The following PCDHA7 variants were observed in gnomAD, a reference collection of about 807,000 sequenced individuals.
The protein encoded by PCDHA7 is protocadherin alpha-7.
PCDHA7 carries 37 observed loss-of-function variants against 57.2 expected under a neutral mutation model. The observed-to-expected ratio is 0.65, with a 90% CI of 0.50 to 0.85. PCDHA7 has a LOEUF of 0.85. PCDHA7 is among the 40% of genes least tolerant of loss of function. The pLI is 0.00. For synonymous variants in PCDHA7, 553 were observed against 558.8 expected (o/e 0.99, Z 0.15); for missense variants, 1,188 against 1,241.8 (o/e 0.96, Z 0.65).
At chr5:140,842,725 C>T in intron 1 of PCDHA7, 3 of 1,595,120 alleles carry the variant, frequency 1.9e-6, no homozygotes, top group Non-Finnish European at 2.6e-6. Flanking sequence ...AGGAGAACAA[C>T]CCGCCGGGCT....
chr5:140,900,271 G>A (rs1055315411), intron 1 of PCDHA7, among the ~76,000 whole-genome samples: 2 of 151,762 alleles, frequency 1.3e-5, no homozygotes, highest in Non-Finnish European at 2.9e-5. Flanking sequence ...TTGTGTATAT[G>A]TACCACACTT....
chr5:140,929,465 A>G (rs2086179280), intron 1 of PCDHA7: 1 of 1,322,058 alleles, frequency 7.6e-7, no homozygotes, highest in African/African-American at 1.5e-5. Flanking sequence ...CTGTGCCAAG[A>G]AATCTGGAAG....
At chr5:140,980,615 C>T (rs1182621837) in intron 2 of PCDHA7, among the ~76,000 whole-genome samples, 4 of 151,596 alleles carry the variant, frequency 2.6e-5, no homozygotes, top group Admixed American at 6.6e-5. Flanking sequence ...GGCGACAGTG[C>T]GAGACTCTGT....
chr5:140,882,066 T>G (rs1198525083), intron 1 of PCDHA7: 1 of 845,446 alleles, frequency 1.2e-6, no homozygotes, highest in East Asian at 2.7e-5. Context: ...TACACGTTCA[T>G]GCGCATGGTG....
intron 1 of PCDHA7, chr5:140,863,201 C>T (rs782647654): frequency 2.2e-5 from 20 of 925,678 alleles, no homozygotes; most frequent in South Asian, 1.0e-4. Context: ...GCGTCGCTGG[C>T]GGAGAGCAGC....
At position 140,856,318 on chromosome 5, in the gene PCDHA7, C is replaced by T. The variant is rs200204071; in HGVS notation, c.2355+19580C>T. 8.1e-6 allele frequency: 13 copies of T among 1,598,576 alleles called. 2 individuals are homozygous for T. The African/African-American group carries it at 1.7e-4, about 21-fold the overall frequency. On this transcript the variant is annotated intron_variant, in intron 1 of 3. Transcript: ENST00000525929. ...TTTTGTTTGTGAATTCTCGGATTGACCGCGAGGAGCTGTGCGGGCGGAGCG... is the reference window on the plus strand; with the variant it reads ...TTTTGTTTGTGAATTCTCGGATTGATCGCGAGGAGCTGTGCGGGCGGAGCG...
In PCDHA7 at chr5:140,855,883, A is replaced by G. The variant is rs2043659343; in HGVS notation, c.2355+19145A>G. 3.2e-6 allele frequency: 3 copies of G among 946,140 alleles called. 1 individual carries two copies. Among genetic ancestry groups the G allele is most frequent in the African/African-American group, 3.3e-5 (2 of 60,716 alleles). 58.6% of individuals were successfully genotyped at this position (946,140 alleles called of 1,614,324 possible). On this transcript the variant is annotated intron_variant, in intron 1 of 3. Coordinates refer to ENST00000525929, the MANE Select transcript of PCDHA7 (RefSeq NM_018910.3). The stretch of plus-strand genomic sequence containing the variant: ...GCTGTCGTCCACAAAATAGCTTTTT[A>G]GAACAAAGGCATCAGCCAGTTTCTC...
At chr5:140,954,007 C>T (rs1277033706) in intron 1 of PCDHA7, among the ~76,000 whole-genome samples, 4 of 152,144 alleles carry the variant, frequency 2.6e-5, no homozygotes, top group Non-Finnish European at 4.4e-5. Flanking sequence ...CATCATTCAG[C>T]TCCCACACAT....
At chr5:140,973,354 T>A (rs937415600) in intron 1 of PCDHA7, among the ~76,000 whole-genome samples, 4 of 152,202 alleles carry the variant, frequency 2.6e-5, no homozygotes, top group Non-Finnish European at 5.9e-5. Flanking sequence ...AGTAGTGAAT[T>A]TATAAAAATT....
At chr5:140,883,744 C>T (rs782708384) in intron 1 of PCDHA7, 1 of 1,613,374 alleles carries the variant, frequency 6.2e-7, no homozygotes, top group South Asian at 1.1e-5. Flanking sequence ...TGGTCTCCTA[C>T]TCGCTGGTGG....
chr5:140,873,546 A>C (rs2054343070), intron 1 of PCDHA7, among the ~76,000 whole-genome samples: 2 of 151,836 alleles, frequency 1.3e-5, no homozygotes, highest in Admixed American at 1.3e-4. Context: ...TAAAATTATA[A>C]TTTCAATTTA....
rs2150257246 is a variant in PCDHA7, at chr5:140,836,303, G to T, written c.1920G>T (p.Thr640=). Residue 640 remains threonine (T), a synonymous_variant, in exon 1 of 4, where the codon ACG becomes ACT. Transcript: ENST00000525929. ...EISTTRALDE[T]DAPRHRLLVL... ...GCACGACACGAGCCCTAGATGAGACGGACGCACCGCGCCACCGCCTTCTGG... is the reference window on the plus strand; with the variant it reads ...GCACGACACGAGCCCTAGATGAGACTGACGCACCGCGCCACCGCCTTCTGG... The T allele has an allele frequency of 1.9e-6, 3 of 1,613,706 alleles. No homozygotes were observed. Among genetic ancestry groups the T allele is most frequent in the East Asian group, 4.5e-5 (2 of 44,850 alleles).
chr5:140,920,429 C>T (rs2079631906), intron 1 of PCDHA7, among the ~76,000 whole-genome samples: 1 of 152,136 alleles, frequency 6.6e-6, no homozygotes. Flanking sequence ...TTCTCCCACA[C>T]ACCTCTTTTA....
intron 3 of PCDHA7, among the ~76,000 whole-genome samples, chr5:141,002,004 A>G (rs1386748835): frequency 2.0e-5 from 3 of 152,210 alleles, no homozygotes; most frequent in Non-Finnish European, 4.4e-5. Context: ...TTGCAAACAC[A>G]GAATCTGCAC....
intron 1 of PCDHA7, among the ~76,000 whole-genome samples, chr5:140,881,833 A>G (rs1371458560): frequency 6.6e-6 from 1 of 152,252 alleles, no homozygotes; most frequent in Non-Finnish European, 1.5e-5. Flanking sequence ...AAAGTTCTGC[A>G]TGGAATTCTT....
chr5:140,939,311 C>A (rs972598257), intron 1 of PCDHA7, among the ~76,000 whole-genome samples: 1 of 152,130 alleles, frequency 6.6e-6, no homozygotes, highest in African/African-American at 2.4e-5. Flanking sequence ...AAAGCCCTAC[C>A]TCCTAATATC....
Position 140,836,555 on chromosome 5 carries a change from A to T in PCDHA7, c.2172A>T (p.Ser724=), listed in dbSNP as rs1554136073. The T allele has an allele frequency of 6.2e-7, 1 of 1,613,750 alleles. No homozygotes were observed. Among genetic ancestry groups the T allele is most frequent in the East Asian group, 2.2e-5 (1 of 44,842 alleles). The part of the protein sequence containing the change: ...TLLLYTALRC[S]APSSEGACSL... ...TGCTGTACACGGCGTTGCGGTGCTC[A>T]GCGCCGTCCTCTGAGGGCGCATGTA... is the stretch of plus-strand genomic sequence containing the variant. The change falls in exon 1 of 4, where the codon TCA becomes TCT. Residue 724 remains serine, a synonymous_variant. Coordinates refer to ENST00000525929, the MANE Select transcript of PCDHA7 (RefSeq NM_018910.3).
Position 140,835,619 on chromosome 5 carries a change from T to C in PCDHA7, c.1236T>C (p.Ala412=). ...KNYYSLVLDS[A]LDRESVSAYE... ...ACTATTCATTGGTGCTGGACAGCGC[T>C]CTGGACCGCGAGAGTGTGTCCGCCT... Residue 412 remains alanine (A), a synonymous_variant, in exon 1 of 4, where the codon GCT becomes GCC. Transcript: ENST00000525929. 2 of 1,613,890 alleles carry C rather than the reference T, an allele frequency of 1.2e-6. No individual in the cohort carries two copies. Among genetic ancestry groups the C allele is most frequent in the African/African-American group, 1.3e-5 (1 of 75,034 alleles).
chr5:140,850,917 T>C, intron 1 of PCDHA7: 1 of 1,530,140 alleles, frequency 6.5e-7, no homozygotes. Flanking sequence ...TTTATTTATT[T>C]ATATAATTTT....
Sources: gnomAD v4.1 joint callset for allele counts (sites outside exome capture counted in the v4.1 genomes callset) on GRCh38, gnomAD v4.1.1 for gene constraint, MANE v1.5 for transcripts, NCBI Gene and HGNC (gene_info 2026-07-23, HGNC 2026-07-21) for gene names.